PLXNA4: variants seen among roughly 807,000 people sequenced by gnomAD.
PLXNA4 encodes the protein plexin-A4.
In PLXNA4, 44 loss-of-function variants were observed where a neutral mutation model predicts 191.8. The observed-to-expected ratio is 0.23, with a 90% confidence interval of 0.18 to 0.29. PLXNA4 has a LOEUF of 0.29. Among genes scored for constraint, PLXNA4 ranks in the 10% least tolerant of loss-of-function variants. PLXNA4 has a pLI of 1.00. For missense variants in PLXNA4, 1,800 were observed against 2,488.8 expected, an observed-to-expected ratio of 0.72 and a Z score of 5.89; for synonymous variants, 1,082 against 1,009.5, an observed-to-expected ratio of 1.07 and a Z score of -1.36.
intron 2 of PLXNA4, among the ~76,000 whole-genome samples, chr7:132,595,024 GAC>G (rs1167171198): frequency 2.4e-4 from 4 of 16,838 alleles, no homozygotes; most frequent in African/African-American, 5.0e-4. Context: ...TAGATAGACA[GAC>G]AGACAGACAG....
chr7:132,165,039 C>G (rs1796081343), intron 23 of PLXNA4, 95 bp downstream of exon 23: 1 of 1,510,468 alleles, frequency 6.6e-7, no homozygotes, highest in Non-Finnish European at 8.9e-7. Flanking sequence ...GAGCCAGGCC[C>G]AGTAAGGGAG....
chr7:132,342,035 A>T (rs997668465), intron 3 of PLXNA4, among the ~76,000 whole-genome samples: 12 of 151,754 alleles, frequency 7.9e-5, no homozygotes, highest in Non-Finnish European at 1.3e-4. Context: ...AAGCACTGGC[A>T]TCAAGGGAGG....
intron 4 of PLXNA4, among the ~76,000 whole-genome samples, chr7:132,282,960 T>A (rs1800541503): frequency 6.6e-6 from 1 of 152,118 alleles, no homozygotes; most frequent in Admixed American, 6.6e-5. Flanking sequence ...CACTGCAGCC[T>A]CGATCTCCTG....
chr7:132,335,905 T>C (rs913607991), intron 3 of PLXNA4, among the ~76,000 whole-genome samples: 1 of 152,136 alleles, frequency 6.6e-6, no homozygotes, highest in African/African-American at 2.4e-5. Flanking sequence ...GCTGGTGGTC[T>C]CCCCCAACCA....
chr7:132,161,669 A>G (rs1795953233), intron 24 of PLXNA4, among the ~76,000 whole-genome samples: 35 of 151,296 alleles, frequency 2.3e-4, no homozygotes, highest in African/African-American at 8.3e-4. Flanking sequence ...CTAGAACTCT[A>G]GCAGGCTCCC....
At chr7:132,537,877 T>C (rs917551215) in intron 1 of PLXNA4, among the ~76,000 whole-genome samples, 3 of 152,302 alleles carry the variant, frequency 2.0e-5, no homozygotes, top group East Asian at 1.9e-4. Context: ...GCACGGGCAG[T>C]GGGGGCCACC....
chr7:132,563,069 C>CTTT (rs1276007493), intron 1 of PLXNA4, among the ~76,000 whole-genome samples: 2 of 107,000 alleles, frequency 1.9e-5, no homozygotes, highest in African/African-American at 3.6e-5. Flanking sequence ...TTCTCCTCCT[C>CTTT]CTCCTCCTTC....
chr7:132,385,038 C>G, intron 3 of PLXNA4: 5 of 1,455,490 alleles, frequency 3.4e-6, no homozygotes, highest in Non-Finnish European at 4.5e-6. Context: ...TCTCCAAAGT[C>G]TTTTTTCCCT....
intron 3 of PLXNA4, among the ~76,000 whole-genome samples, chr7:132,385,543 A>G (rs1805093117): frequency 6.6e-6 from 1 of 152,220 alleles, no homozygotes; most frequent in Non-Finnish European, 1.5e-5. Context: ...CACGGATGTT[A>G]CACCCGGCCC....
chr7:132,492,527 T>C (rs1797849166), intron 2 of PLXNA4, among the ~76,000 whole-genome samples: 1 of 152,194 alleles, frequency 6.6e-6, no homozygotes, highest in African/African-American at 2.4e-5. Flanking sequence ...TCTCTCTCTC[T>C]GAATGGGGCC....
intron 30 of PLXNA4, among the ~76,000 whole-genome samples, chr7:132,134,790 ATCT>A (rs931318993): frequency 1.3e-5 from 2 of 151,964 alleles, no homozygotes; most frequent in Middle Eastern, 3.2e-3. Flanking sequence ...CATCCTTCAC[ATCT>A]TCTTCCATTC....
At chr7:132,384,778 AC>A in intron 3 of PLXNA4, 1 of 1,119,128 alleles carries the variant, frequency 8.9e-7, no homozygotes, top group Admixed American at 4.8e-5. Flanking sequence ...ACACACACAC[AC>A]ACACACACAC....
intron 2 of PLXNA4, among the ~76,000 whole-genome samples, chr7:132,640,136 T>C (rs1803710079): frequency 1.3e-5 from 2 of 152,362 alleles, no homozygotes; most frequent in African/African-American, 4.8e-5. Context: ...TGGTGCTCTG[T>C]TCTTGCAGAG....
At chr7:132,182,851 C>G (rs1031335011) in intron 16 of PLXNA4, among the ~76,000 whole-genome samples, 22 of 152,118 alleles carry the variant, frequency 1.4e-4, no homozygotes, top group African/African-American at 5.1e-4. Context: ...CACAGGACTG[C>G]TGACAGGGAG....
intron 3 of PLXNA4, among the ~76,000 whole-genome samples, chr7:132,458,765 C>T (rs1453740197): frequency 1.3e-5 from 2 of 152,038 alleles, no homozygotes; most frequent in African/African-American, 4.8e-5. Context: ...CCAAGATGTA[C>T]ACTTAGGACA....
chr7:132,228,991 C>A (rs1396278325), intron 5 of PLXNA4, among the ~76,000 whole-genome samples: 1 of 152,174 alleles, frequency 6.6e-6, no homozygotes, highest in South Asian at 2.1e-4. Context: ...GAAGAGCTTC[C>A]TCCTATGATC....
intron 4 of PLXNA4, among the ~76,000 whole-genome samples, chr7:132,241,412 C>T (rs995905298): frequency 6.6e-6 from 1 of 152,224 alleles, no homozygotes; most frequent in South Asian, 2.1e-4. Flanking sequence ...AGACTCCATA[C>T]AGTCCATACT....
At chr7:132,450,029 GCTC>G (rs1263086529) in intron 3 of PLXNA4, among the ~76,000 whole-genome samples, 1 of 152,170 alleles carries the variant, frequency 6.6e-6, no homozygotes, top group Admixed American at 6.5e-5. Context: ...CTGGACACCA[GCTC>G]CTGTTTTTCA....
chr7:132,250,206 T>C (rs988551600), intron 4 of PLXNA4, among the ~76,000 whole-genome samples: 1 of 152,172 alleles, frequency 6.6e-6, no homozygotes, highest in African/African-American at 2.4e-5. Flanking sequence ...AATGTATTAG[T>C]GTTATGCTAA....
Sources: gnomAD v4.1 joint callset for allele counts (sites outside exome capture counted in the v4.1 genomes callset) on GRCh38, gnomAD v4.1.1 for gene constraint, MANE v1.5 for transcripts, NCBI Gene and HGNC (gene_info 2026-07-23, HGNC 2026-07-21) for gene names.